The following AGBL5 variants were observed in gnomAD, a reference collection of about 807,000 sequenced individuals.
The protein encoded by AGBL5 is AGBL carboxypeptidase 5.
In AGBL5, 51 loss-of-function variants were observed where a neutral mutation model predicts 88.0. The ratio of observed to expected loss-of-function variants is 0.58; its 90% confidence interval spans 0.46 to 0.73. The LOEUF (loss-of-function observed/expected upper bound fraction) is 0.73, where lower values mean the gene tolerates loss of function less well. AGBL5 is among the 30% of genes least tolerant of loss of function. The pLI, the probability that AGBL5 is intolerant of heterozygous loss-of-function variation, is 0.00. For synonymous variants in AGBL5, 446 were observed against 438.8 expected (o/e 1.02, Z -0.21); for missense variants, 1,031 against 1,162.2 (o/e 0.89, Z 1.64).
In AGBL5 at chr2:27,057,405, C is replaced by T. The variant is rs368452544; in HGVS notation, c.1638C>T (p.Phe546=). The change falls in exon 9 of 15, where the codon TTC becomes TTT. Residue 546 remains phenylalanine, a synonymous_variant. Coordinates refer to ENST00000360131, the MANE Select transcript of AGBL5 (RefSeq NM_021831.6). ...GRASPPPPPA[F]PSRYTVELFE... ...CCAGCCCCCCTCCCCCGCCGGCTTT[C>T]CCCTCCAGATACACTGTGGAACTAT... 3 of 1,613,782 alleles carry T rather than the reference C, an allele frequency of 1.9e-6. No homozygotes were observed. Among genetic ancestry groups the T allele is most frequent in the East Asian group, 2.2e-5 (1 of 44,874 alleles).
In AGBL5 at chr2:27,069,666, A is replaced by G. The variant is rs796808172; in HGVS notation, c.2449A>G (p.Ser817Gly). 1 of 1,614,062 alleles carries G rather than the reference A, an allele frequency of 6.2e-7. No homozygotes were observed. The highest frequency in any genetic ancestry group is 8.5e-7 in the Non-Finnish European group (1 of 1,179,966). Residue 817 changes from serine to glycine, a missense_variant, in exon 14 of 15, where the codon AGC (serine) becomes GGC (glycine). By Grantham distance (56) the Ser-to-Gly change is moderately conservative. Around this residue, in one of 2 missense-constraint regions of AGBL5, gnomAD observed 491 missense variants for 484.0 expected, o/e 1.01. Coordinates refer to ENST00000360131, the MANE Select transcript of AGBL5 (RefSeq NM_021831.6). ...PTSPTPRTRE[S>G]SELELGSCSA... is the part of the protein sequence containing the mutation. ...ATCCCCTACCCCCCGGACCAGGGAG[A>G]GCAGTGAGCTGGAGCTGGGATCCTG...
Position 27,053,592 on chromosome 2 carries a change from G to C in AGBL5, c.387+19G>C. On this transcript the variant is annotated intron_variant, in intron 3 of 14. Coordinates refer to ENST00000360131, the MANE Select transcript of AGBL5 (RefSeq NM_021831.6). This position sits in a 1 kb window ranked among gnomAD's most constrained non-coding sequence, Gnocchi z 4.9. ...CTTTGAGGTAAGTTCTCCATGAGGA[G>C]GAAAGAAAGACTTGGGTGCTAAAAG... 1 of 1,595,550 alleles carries C rather than the reference G, an allele frequency of 6.3e-7. No homozygotes were observed. Among genetic ancestry groups the C allele is most frequent in the Non-Finnish European group, 8.5e-7 (1 of 1,172,532 alleles).
chr2:27,068,663 C>T lies in AGBL5; in HGVS notation c.2274C>T (p.Asp758=), dbSNP rs1178404125. 3.7e-6 allele frequency: 6 copies of T among 1,614,132 alleles called. No individual in the cohort carries two copies. Among genetic ancestry groups the T allele is most frequent in the Middle Eastern group, 1.6e-4 (1 of 6,062 alleles). ...GSSCSLLSSG[D]KPEAVMVIGK... ...GTTGCTCACTCTTGTCCTCTGGAGA[C>T]AAACCAGAGGCTGTCATGGTAATCG... Residue 758 remains aspartate, a synonymous_variant, in exon 13 of 15, where the codon GAC becomes GAT. Transcript: ENST00000360131.
upstream of AGBL5, chr2:27,051,563 T>TA (rs1291120007): frequency 6.6e-6 from 1 of 152,266 alleles, no homozygotes; most frequent in Non-Finnish European, 1.5e-5. Flanking sequence ...AGGTACCCAC[T>TA]AACGTGCGAG....
chr2:27,065,183 G>A (rs1397777367), intron 11 of AGBL5, among the ~76,000 whole-genome samples: 1 of 152,116 alleles, frequency 6.6e-6, no homozygotes, highest in African/African-American at 2.4e-5. Context: ...TGGTCAGTTG[G>A]CATGCTGGCA....
Position 27,055,217 on chromosome 2 carries a change from T to C in AGBL5, c.872T>C (p.Met291Thr). 1 of 1,614,196 alleles carries C rather than the reference T, an allele frequency of 6.2e-7. No individual in the cohort carries two copies. The highest frequency in any genetic ancestry group is 8.5e-7 in the Non-Finnish European group (1 of 1,180,030). Residue 291 changes from methionine (M) to threonine (T), a missense_variant, in exon 6 of 15, where the codon ATG becomes ACG. This residue lies in a region of AGBL5 where 540 missense variants were observed against 678.2 expected (regional missense o/e 0.80). Transcript: ENST00000360131. ...CTCTTCGTCTTTAAGCTGATTCCCA[T>C]GTTGAACCCCGATGGTGTGGTCCGG... ...RRLFVFKLIP[M>T]LNPDGVVRGH...
At position 27,058,571 on chromosome 2, in the gene AGBL5, A is replaced by C. The variant is rs1212362976; in HGVS notation, c.1843A>C (p.Arg615=). 8.7e-6 allele frequency: 14 copies of C among 1,614,140 alleles called. No homozygotes were observed. Among genetic ancestry groups the C allele is most frequent in the Non-Finnish European group, 1.2e-5 (14 of 1,180,038 alleles). ...STLNVGVNKK[R]GLRTPPKSHN... ...TCTGAATGTGGGTGTCAACAAGAAG[A>C]GGGGCCTTCGAACTCCACCCAAAAG... Residue 615 remains arginine (R), a synonymous_variant, in exon 10 of 15, where the codon AGG becomes CGG. Transcript: ENST00000360131.
At position 27,056,133 on chromosome 2, in the gene AGBL5, AC is replaced by A. The variant is rs1262766323; in HGVS notation, c.1363del (p.Gln455ArgfsTer13). On this transcript the variant is annotated frameshift_variant, in exon 7 of 15. Coordinates refer to ENST00000360131, the MANE Select transcript of AGBL5 (RefSeq NM_021831.6). LOFTEE classifies it high-confidence loss of function. ...MYGNSFSDES[T>X]QVENMLYPKL... ...CGGAAACAGCTTTAGTGATGAGAGC[AC>A]CCAGGTGGGAATCCTAAGAATGTCA... The A allele has an allele frequency of 6.2e-7, 1 of 1,608,996 alleles. No individual in the cohort carries two copies. The highest frequency in any genetic ancestry group is 1.7e-5 in the Admixed American group (1 of 59,944).
intron 8 of AGBL5, chr2:27,056,996 C>CA (rs545984782): frequency 0.042 from 18,208 of 429,236 alleles, 1 homozygote; most frequent in South Asian, 0.054. Flanking sequence ...AACTCCGTCT[C>CA]AAAAAAAAAA....
At chr2:27,058,029 TCA>T (rs1668525974) in intron 9 of AGBL5, among the ~76,000 whole-genome samples, 1 of 147,574 alleles carries the variant, frequency 6.8e-6, no homozygotes, top group Non-Finnish European at 1.5e-5. Context: ...TCAGCCGAGA[TCA>T]CACGCCACTG....
At chr2:27,057,549 C>A in intron 9 of AGBL5, 111 bp downstream of exon 9, 1 of 1,243,596 alleles carries the variant, frequency 8.0e-7, no homozygotes, top group Non-Finnish European at 1.1e-6. Context: ...ATCACTATGG[C>A]CGTCTCACCA....
Position 27,057,292 on chromosome 2 carries a change from T to C in AGBL5, c.1536-11T>C, listed in dbSNP as rs1668484742. ...TCAGGCGGGACACTGATAAAGGTCT[T>C]TATGTCTTAGCTACACACTTGAATG... is the stretch of plus-strand genomic sequence containing the variant. On this transcript the variant is annotated splice_polypyrimidine_tract_variant and intron_variant, in intron 8 of 14. Transcript: ENST00000360131. 3.1e-6 allele frequency: 5 copies of C among 1,609,370 alleles called. No homozygotes were observed. Among genetic ancestry groups the C allele is most frequent in the Non-Finnish European group, 4.2e-6 (5 of 1,177,210 alleles).
rs149137180 is a variant in AGBL5, at chr2:27,061,393, C to T, written c.2089+1989C>T. 4.4e-3 allele frequency among the ~76,000 whole-genome samples: 675 copies of T among 152,288 alleles called. 1 individual carries two copies. The highest frequency in any genetic ancestry group is 0.01 in the Middle Eastern group (3 of 294). ...CTGGGACTACAGGCAAACGCCACCA[C>T]GTCTGGCTAATTTTTGTACTTTTAG... On this transcript the variant is annotated intron_variant, in intron 11 of 14. Coordinates refer to ENST00000360131, the MANE Select transcript of AGBL5 (RefSeq NM_021831.6).
At chr2:27,062,515 T>C (rs1206894201) in intron 11 of AGBL5, 1 of 152,214 alleles carries the variant, frequency 6.6e-6, no homozygotes, top group Non-Finnish European at 1.5e-5. Context: ...GTGAAGGACA[T>C]GTATTCTATT....
At chr2:27,059,571 G>A (rs1332665070) in intron 11 of AGBL5, 167 bp downstream of exon 11, 8 of 1,466,578 alleles carry the variant, frequency 5.5e-6, no homozygotes, top group African/African-American at 4.2e-5. Flanking sequence ...TGTTCCCTGC[G>A]GCATGATTCC....
Position 27,053,904 on chromosome 2 carries a change from G to A in AGBL5, c.396G>A (p.Glu132=). The change falls in exon 4 of 15, where the codon GAG becomes GAA. Residue 132 remains glutamate (E), a synonymous_variant. Coordinates refer to ENST00000360131, the MANE Select transcript of AGBL5 (RefSeq NM_021831.6). The surrounding 1 kb of genome is among the most constrained non-coding windows in gnomAD (Gnocchi z 4.9). ...IRDRPTFEMT[E]TQFVLSFVHR... Reference sequence around the variant, plus strand: ...CCTCCTCTGCTCTTCAGATGACAGAGACGCAGTTTGTGTTATCCTTTGTTC... The same window carrying A: ...CCTCCTCTGCTCTTCAGATGACAGAAACGCAGTTTGTGTTATCCTTTGTTC... 1.2e-6 allele frequency: 2 copies of A among 1,613,186 alleles called. No homozygotes were observed. The highest frequency in any genetic ancestry group is 1.1e-5 in the South Asian group (1 of 90,948).
At chr2:27,066,985 A>G (rs935204429) in intron 11 of AGBL5, among the ~76,000 whole-genome samples, 6 of 152,038 alleles carry the variant, frequency 3.9e-5, no homozygotes, top group African/African-American at 1.5e-4. Flanking sequence ...CGGGAGCCTG[A>G]GGCAGGAGAA....
At chr2:27,056,350 C>G in intron 7 of AGBL5, 2 of 624,508 alleles carry the variant, frequency 3.2e-6, no homozygotes, top group Non-Finnish European at 2.7e-6. Context: ...TTAAGGAAAG[C>G]TAACTGCATT....
At chr2:27,056,852 T>A in intron 8 of AGBL5, 60 bp downstream of exon 8, 1 of 1,506,526 alleles carries the variant, frequency 6.6e-7, no homozygotes, top group Non-Finnish European at 9.0e-7. Context: ...ACACCGTAGC[T>A]GGGTGTGGTG....
Sources: gnomAD v4.1 joint callset for allele counts (sites outside exome capture counted in the v4.1 genomes callset) on GRCh38, gnomAD v4.1.1 for gene constraint, gnomAD v4.1.1 regional missense constraint, Gnocchi (gnomAD v3.1) non-coding constraint, MANE v1.5 for transcripts, NCBI Gene and HGNC (gene_info 2026-07-23, HGNC 2026-07-21) for gene names.